The following NCKAP5 variants were observed in gnomAD, a reference collection of about 807,000 sequenced individuals.
The protein encoded by NCKAP5 is nck-associated protein 5.
In NCKAP5, 92 loss-of-function variants were observed where a neutral mutation model predicts 167.0. The observed-to-expected ratio is 0.55, with a 90% CI of 0.47 to 0.66. The LOEUF (loss-of-function observed/expected upper bound fraction) is 0.66. Among genes scored for constraint, NCKAP5 ranks in the 30% least tolerant of loss-of-function variants. The pLI is 0.00. For missense variants in NCKAP5, 2,378 were observed against 2,315.0 expected (o/e 1.03, Z -0.56); for synonymous variants, 891 against 877.4 (o/e 1.02, Z -0.27).
At chr2:133,224,022 G>A (rs1004908705) in intron 4 of NCKAP5, among the ~76,000 whole-genome samples, 1 of 152,170 alleles carries the variant, frequency 6.6e-6, no homozygotes, top group Non-Finnish European at 1.5e-5. Flanking sequence ...CTGAAGGTGT[G>A]TTATCCACAG....
chr2:133,260,895 A>G (rs887607172), intron 4 of NCKAP5, among the ~76,000 whole-genome samples: 1 of 152,166 alleles, frequency 6.6e-6, no homozygotes, highest in African/African-American at 2.4e-5. Context: ...CATGCTTAAC[A>G]TTTGGCACAT....
At chr2:133,011,143 C>T (rs987434785) in intron 6 of NCKAP5, among the ~76,000 whole-genome samples, 2 of 152,144 alleles carry the variant, frequency 1.3e-5, no homozygotes, top group Admixed American at 1.3e-4. Context: ...CAGATACACA[C>T]AACATTATTT....
At chr2:133,329,535 T>C (rs1285505394) in intron 3 of NCKAP5, among the ~76,000 whole-genome samples, 2 of 151,966 alleles carry the variant, frequency 1.3e-5, no homozygotes, top group East Asian at 3.9e-4. Flanking sequence ...GTGGGGGGTA[T>C]TGAAAGATGG....
intron 11 of NCKAP5, among the ~76,000 whole-genome samples, chr2:132,837,350 T>C (rs772278798): frequency 6.6e-6 from 1 of 152,178 alleles, no homozygotes; most frequent in African/African-American, 2.4e-5. Flanking sequence ...TGTTTCTTTC[T>C]GGTATTACTA....
At chr2:132,920,700 T>C (rs1351171446) in intron 8 of NCKAP5, among the ~76,000 whole-genome samples, 4 of 119,522 alleles carry the variant, frequency 3.3e-5, no homozygotes, top group African/African-American at 1.1e-4. Flanking sequence ...TATATATATA[T>C]ACGTATATGT....
At chr2:133,538,907 G>GGC (rs1685969557) in intron 2 of NCKAP5, among the ~76,000 whole-genome samples, 1 of 127,734 alleles carries the variant, frequency 7.8e-6, no homozygotes, top group Non-Finnish European at 1.7e-5. Context: ...GTTTTTTTTT[G>GGC]GTTTTTTTTT....
chr2:133,042,142 T>C lies in NCKAP5; in HGVS notation c.342-47903A>G, dbSNP rs369074440. Among the ~76,000 whole-genome samples, 28 of 152,290 alleles carry C rather than the reference T, an allele frequency of 1.8e-4. No individual in the cohort carries two copies. The East Asian group carries it at 2.5e-3, about 14-fold the overall frequency. On this transcript the variant is annotated intron_variant, in intron 6 of 19. Transcript: ENST00000409261. ...AGTTTTTATAATAGAAGACAAGTTT[T>C]TATTACAGAAGAAAATCATACAACT...
the NCKAP5 span, among the ~76,000 whole-genome samples, chr2:133,674,114 A>T: frequency 6.6e-6 from 1 of 152,204 alleles, no homozygotes; most frequent in African/African-American, 2.4e-5. Context: ...ATTCAGAGCG[A>T]ATTCCCAAGT....
intron 3 of NCKAP5, chr2:133,433,756 T>C (rs1344995420): frequency 6.6e-6 from 1 of 152,208 alleles, no homozygotes; most frequent in Non-Finnish European, 1.5e-5. Flanking sequence ...AGAATTGAAT[T>C]AAGGCCAAAG....
At chr2:132,832,791 C>T (rs980978464) in intron 11 of NCKAP5, among the ~76,000 whole-genome samples, 5 of 152,246 alleles carry the variant, frequency 3.3e-5, no homozygotes, top group African/African-American at 1.2e-4. Context: ...AGGTTGATTA[C>T]TTATCTTTGC....
chr2:133,399,110 C>T (rs1467726747), intron 3 of NCKAP5, among the ~76,000 whole-genome samples: 3 of 152,170 alleles, frequency 2.0e-5, no homozygotes, highest in South Asian at 4.1e-4. Flanking sequence ...TTTTAGAGCA[C>T]GCCCTGGAGC....
At chr2:133,388,880 T>C (rs1043910939) in intron 3 of NCKAP5, among the ~76,000 whole-genome samples, 3 of 152,214 alleles carry the variant, frequency 2.0e-5, no homozygotes, top group African/African-American at 7.2e-5. Flanking sequence ...CTAAGACCAT[T>C]GGAAACACGC....
chr2:133,184,038 G>A (rs889505467), intron 5 of NCKAP5, among the ~76,000 whole-genome samples: 4 of 151,958 alleles, frequency 2.6e-5, no homozygotes, highest in African/African-American at 9.7e-5. Context: ...GTGTGATGCT[G>A]AATTTTCAGG....
chr2:133,384,344 T>A (rs1686766307), intron 3 of NCKAP5, among the ~76,000 whole-genome samples: 2 of 152,256 alleles, frequency 1.3e-5, no homozygotes, highest in Admixed American at 6.5e-5. Flanking sequence ...TTTTGTCAGG[T>A]TCGTCAAAGA....
intron 6 of NCKAP5, among the ~76,000 whole-genome samples, chr2:133,063,146 A>G (rs1192063208): frequency 6.6e-6 from 1 of 152,200 alleles, no homozygotes; most frequent in Non-Finnish European, 1.5e-5. Context: ...GTAACTCCAG[A>G]TTAATTAATC....
chr2:132,771,417 A>G (rs1682036492), intron 16 of NCKAP5, among the ~76,000 whole-genome samples: 1 of 152,260 alleles, frequency 6.6e-6, no homozygotes, highest in Non-Finnish European at 1.5e-5. Context: ...ATTATCACAA[A>G]GTCAAAACGT....
chr2:133,568,692 G>C (rs1450690916), upstream of NCKAP5, among the ~76,000 whole-genome samples: 3 of 152,120 alleles, frequency 2.0e-5, no homozygotes, highest in African/African-American at 7.2e-5. Context: ...GTCTGAAAAA[G>C]ACAGAGAATC....
the NCKAP5 span, among the ~76,000 whole-genome samples, chr2:133,644,426 A>T: frequency 6.6e-6 from 1 of 152,182 alleles, no homozygotes; most frequent in East Asian, 1.9e-4. Flanking sequence ...AAATGATTTC[A>T]TGAAATCATT....
intron 3 of NCKAP5, among the ~76,000 whole-genome samples, chr2:133,506,172 A>G (rs2151404814): frequency 6.6e-6 from 1 of 152,332 alleles, no homozygotes; most frequent in Admixed American, 6.5e-5. Context: ...AGAGAACACC[A>G]TGTCACTGGT....
Sources: allele counts gnomAD v4.1 joint callset (sites outside exome capture counted in the v4.1 genomes callset), GRCh38; gene constraint gnomAD v4.1.1; transcripts MANE v1.5; gene names NCBI Gene and HGNC (gene_info 2026-07-23, HGNC 2026-07-21).